The following DOCK1 variants were observed in gnomAD, a reference collection of about 807,000 sequenced individuals.
The protein encoded by DOCK1 is dedicator of cytokinesis 1.
A neutral mutation model predicts 262.7 loss-of-function variants in DOCK1; 138 were observed. That is an observed-to-expected ratio of 0.53 (90% CI 0.46 to 0.61). The LOEUF (loss-of-function observed/expected upper bound fraction) is 0.61. DOCK1 is among the 20% of genes least tolerant of loss of function. DOCK1 has a pLI of 0.00. For synonymous variants in DOCK1, 866 were observed against 867.4 expected, an observed-to-expected ratio of 1.00 and a Z score of 0.03; for missense variants, 1,908 against 2,370.7, an observed-to-expected ratio of 0.80 and a Z score of 4.05.
chr10:127,140,350 A>G (rs1204127896), intron 27 of DOCK1, among the ~76,000 whole-genome samples: 1 of 152,156 alleles, frequency 6.6e-6, no homozygotes, highest in Non-Finnish European at 1.5e-5. Context: ...TGCCCTGGGA[A>G]TCTGCAACCA....
chr10:126,911,818 G>C (rs1157610341), intron 1 of DOCK1, among the ~76,000 whole-genome samples: 1 of 152,160 alleles, frequency 6.6e-6, no homozygotes, highest in African/African-American at 2.4e-5. Context: ...TATGCAAATG[G>C]ATTGCATTTG....
At chr10:127,438,331 C>G (rs1444070529) in intron 48 of DOCK1, among the ~76,000 whole-genome samples, 1 of 152,216 alleles carries the variant, frequency 6.6e-6, no homozygotes, top group Non-Finnish European at 1.5e-5. Flanking sequence ...GGTATAACCA[C>G]GAATGTGTCT....
intron 39 of DOCK1, 108 bp from the exon 40 acceptor site, chr10:127,404,217 C>G: frequency 1.2e-6 from 1 of 811,050 alleles, no homozygotes; most frequent in South Asian, 1.7e-5. Flanking sequence ...ATCTCCCCCT[C>G]CCACCCTATA....
At chr10:127,049,513 T>C (rs559323526) in intron 21 of DOCK1, among the ~76,000 whole-genome samples, 1 of 152,016 alleles carries the variant, frequency 6.6e-6, no homozygotes, top group Non-Finnish European at 1.5e-5. Flanking sequence ...AGAGTGAGAC[T>C]CTGTCTCAAA....
At chr10:127,118,847 G>A (rs980659221) in intron 25 of DOCK1, among the ~76,000 whole-genome samples, 10 of 152,326 alleles carry the variant, frequency 6.6e-5, no homozygotes, top group Middle Eastern at 3.4e-3. Context: ...CTAAGGTGCA[G>A]AAAGGAAAAG....
At position 127,426,023 on chromosome 10, in the gene DOCK1, G is replaced by A. The variant is rs749108021; in HGVS notation, c.4914+12G>A. 1.2e-5 allele frequency: 19 copies of A among 1,613,740 alleles called. No individual in the cohort carries two copies. The highest frequency in any genetic ancestry group is 1.6e-5 in the Non-Finnish European group (19 of 1,179,836). On this transcript the variant is annotated intron_variant, in intron 47 of 51. Coordinates refer to ENST00000623213, the MANE Select transcript of DOCK1 (RefSeq NM_001290223.2). ...GCGTCCGAATCATGGTAAGAGGGTA[G>A]TATGCGTAGTGTTGCAGAAGAGTGG... is the stretch of plus-strand genomic sequence containing the variant.
chr10:127,049,926 A>G (rs571597112), intron 21 of DOCK1, among the ~76,000 whole-genome samples: 1 of 151,358 alleles, frequency 6.6e-6, no homozygotes, highest in Non-Finnish European at 1.5e-5. Context: ...TCGATTTTGT[A>G]ACTGCTGTTT....
At chr10:127,094,338 C>G (rs1263562590) in intron 23 of DOCK1, among the ~76,000 whole-genome samples, 1 of 152,142 alleles carries the variant, frequency 6.6e-6, no homozygotes, top group East Asian at 1.9e-4. Context: ...TTGGCAGGGT[C>G]ACAATTCCAT....
chr10:127,320,139 G>A (rs374578065), intron 29 of DOCK1, among the ~76,000 whole-genome samples: 17 of 102,862 alleles, frequency 1.7e-4, no homozygotes, highest in African/African-American at 3.9e-4. Context: ...CCCAGTAGCC[G>A]TCTAAGAGCA....
chr10:127,012,631 A>G lies in DOCK1; in HGVS notation c.1201+257A>G, dbSNP rs964531920. ...GGGGTCAGATTAGAAGTTTAGAGGAACATGCAGGCGGTAGGCGTAACTCCC... is the reference window on the plus strand; with the variant it reads ...GGGGTCAGATTAGAAGTTTAGAGGAGCATGCAGGCGGTAGGCGTAACTCCC... On this transcript the variant is annotated intron_variant, in intron 12 of 51. Transcript: ENST00000623213. This position sits in a 1 kb window ranked among gnomAD's most constrained non-coding sequence, Gnocchi z 4.0. Among the ~76,000 whole-genome samples, 1 of 152,098 alleles carries G rather than the reference A, an allele frequency of 6.6e-6. No homozygotes were observed. The highest frequency in any genetic ancestry group is 2.4e-5 in the African/African-American group (1 of 41,412).
At chr10:127,414,005 G>A (rs1162219793) in intron 43 of DOCK1, among the ~76,000 whole-genome samples, 3 of 151,970 alleles carry the variant, frequency 2.0e-5, no homozygotes, top group Admixed American at 6.6e-5. Flanking sequence ...TCCGCCTCCC[G>A]AGTTCAAGCG....
chr10:127,372,929 C>T (rs2065283382), intron 33 of DOCK1, among the ~76,000 whole-genome samples: 3 of 152,192 alleles, frequency 2.0e-5, no homozygotes, highest in Admixed American at 2.0e-4. Flanking sequence ...GGGCCCCCTG[C>T]AGCATGGCTA....
intron 27 of DOCK1, among the ~76,000 whole-genome samples, chr10:127,239,779 T>C (rs1341394837): frequency 1.3e-5 from 2 of 152,210 alleles, no homozygotes; most frequent in Non-Finnish European, 2.9e-5. Flanking sequence ...CGTGATATAT[T>C]GAGTATATAA....
intron 4 of DOCK1, among the ~76,000 whole-genome samples, chr10:126,984,392 G>C (rs1011089707): frequency 6.6e-6 from 1 of 152,168 alleles, no homozygotes. Flanking sequence ...CTGTCACCCA[G>C]GTTGAAGTGC....
At chr10:127,364,120 C>A (rs957303564) in intron 33 of DOCK1, among the ~76,000 whole-genome samples, 1 of 152,150 alleles carries the variant, frequency 6.6e-6, no homozygotes, top group African/African-American at 2.4e-5. Flanking sequence ...CAGGGTGAGC[C>A]CCCAGTGTCT....
intron 35 of DOCK1, among the ~76,000 whole-genome samples, chr10:127,378,839 C>T (rs1360493946): frequency 1.3e-5 from 2 of 152,218 alleles, no homozygotes; most frequent in Non-Finnish European, 2.9e-5. Context: ...CATTACTGAG[C>T]CGTGTCATAT....
intron 44 of DOCK1, among the ~76,000 whole-genome samples, chr10:127,417,766 A>C (rs1435915540): frequency 6.6e-6 from 1 of 151,966 alleles, no homozygotes; most frequent in African/African-American, 2.4e-5. Context: ...AGTAGAGACA[A>C]GGTTTTGCTA....
In DOCK1 at chr10:127,076,780, A is replaced by AG. The variant is rs1491194749; in HGVS notation, c.2445+15010dup. On this transcript the variant is annotated intron_variant, in intron 23 of 51. Coordinates refer to ENST00000623213, the MANE Select transcript of DOCK1 (RefSeq NM_001290223.2). Reference sequence around the variant, plus strand: ...AGCCCCATCTCTGCCCAGGGCTGACAGGGGGGCTCCGTCATCTACCCCAGG... The same window carrying AG: ...AGCCCCATCTCTGCCCAGGGCTGACAGGGGGGGCTCCGTCATCTACCCCAGG... Among the ~76,000 whole-genome samples, 6 of 152,258 alleles carry AG rather than the reference A, an allele frequency of 3.9e-5. No individual in the cohort carries two copies. The East Asian group carries it at 1.2e-3, about 29-fold the overall frequency.
intron 6 of DOCK1, among the ~76,000 whole-genome samples, chr10:126,992,621 C>T (rs1232698375): frequency 6.6e-6 from 1 of 151,996 alleles, no homozygotes; most frequent in Non-Finnish European, 1.5e-5. Context: ...GATTTTTAAC[C>T]TGGGTGGAGG....
Sources: allele counts gnomAD v4.1 joint callset (sites outside exome capture counted in the v4.1 genomes callset), GRCh38; gene constraint gnomAD v4.1.1; non-coding constraint Gnocchi (gnomAD v3.1); transcripts MANE v1.5; gene names NCBI Gene and HGNC (gene_info 2026-07-23, HGNC 2026-07-21).